EXOC4: variants seen among roughly 807,000 people sequenced by gnomAD.
The protein encoded by EXOC4 is SEC8-like 1.
EXOC4 carries 71 observed loss-of-function variants against 107.2 expected under a neutral mutation model. That is an observed-to-expected ratio of 0.66 (90% CI 0.55 to 0.81). EXOC4 has a LOEUF of 0.81. EXOC4 is among the 30% of genes least tolerant of loss of function. The pLI is 0.00. For synonymous variants in EXOC4, 456 were observed against 441.2 expected (o/e 1.03, Z -0.42); for missense variants, 1,108 against 1,189.6 (o/e 0.93, Z 1.01).
intron 9 of EXOC4, among the ~76,000 whole-genome samples, chr7:133,609,220 A>G (rs1802022209): frequency 6.6e-6 from 1 of 152,224 alleles, no homozygotes; most frequent in African/African-American, 2.4e-5. Context: ...GTAATAAAAA[A>G]GGAATAATTT....
intron 9 of EXOC4, among the ~76,000 whole-genome samples, chr7:133,568,056 A>C (rs1800942660): frequency 6.6e-6 from 1 of 152,234 alleles, no homozygotes; most frequent in African/African-American, 2.4e-5. Context: ...TTGTGTTAAC[A>C]AATTCTTGAC....
At chr7:133,421,186 G>T (rs1295310530) in intron 7 of EXOC4, among the ~76,000 whole-genome samples, 1 of 152,084 alleles carries the variant, frequency 6.6e-6, no homozygotes. Flanking sequence ...TTGGTAAAGT[G>T]TAAAGCATTA....
At chr7:133,354,069 G>A (rs747040432) in intron 5 of EXOC4, among the ~76,000 whole-genome samples, 1 of 151,672 alleles carries the variant, frequency 6.6e-6, no homozygotes, top group Non-Finnish European at 1.5e-5. Context: ...CTTTAAAACA[G>A]TTAAAACTTT....
chr7:133,381,932 G>C (rs1043678498), intron 7 of EXOC4, among the ~76,000 whole-genome samples: 7 of 152,122 alleles, frequency 4.6e-5, no homozygotes, highest in Non-Finnish European at 7.4e-5. Context: ...ATGCAGATTT[G>C]TATCCCCACC....
chr7:133,686,579 A>T (rs1169811304), intron 10 of EXOC4, among the ~76,000 whole-genome samples: 1 of 152,196 alleles, frequency 6.6e-6, no homozygotes, highest in African/African-American at 2.4e-5. Flanking sequence ...CAGTTCTCAA[A>T]AGAACATATA....
At chr7:134,035,877 G>A (rs964550645) in intron 17 of EXOC4, among the ~76,000 whole-genome samples, 1 of 152,110 alleles carries the variant, frequency 6.6e-6, no homozygotes, top group Admixed American at 6.5e-5. Flanking sequence ...TCATCAGCAG[G>A]GAAACATTTC....
At chr7:133,326,863 G>C (rs540470932) in intron 5 of EXOC4, among the ~76,000 whole-genome samples, 76 of 152,346 alleles carry the variant, frequency 5.0e-4, no homozygotes, top group Non-Finnish European at 8.2e-4. Context: ...CACCCAGTTC[G>C]AGCTTCCTGG....
chr7:133,651,754 G>A (rs570785146), intron 10 of EXOC4, among the ~76,000 whole-genome samples: 4 of 152,128 alleles, frequency 2.6e-5, no homozygotes, highest in Non-Finnish European at 4.4e-5. Context: ...GCATGATCTC[G>A]ACTCACTGCA....
intron 9 of EXOC4, among the ~76,000 whole-genome samples, chr7:133,580,330 C>A (rs1243935873): frequency 1.3e-5 from 2 of 151,900 alleles, no homozygotes; most frequent in African/African-American, 4.8e-5. Flanking sequence ...TTTTTGAGAC[C>A]CTGCTTTTAA....
intron 14 of EXOC4, among the ~76,000 whole-genome samples, chr7:133,989,857 G>A (rs369402630): frequency 6.6e-5 from 10 of 152,060 alleles, no homozygotes; most frequent in South Asian, 4.1e-4. Flanking sequence ...GGAGAACAGC[G>A]CGAATTTGGA....
At chr7:133,577,328 A>G (rs1801154746) in intron 9 of EXOC4, among the ~76,000 whole-genome samples, 2 of 152,162 alleles carry the variant, frequency 1.3e-5, no homozygotes, top group Non-Finnish European at 2.9e-5. Flanking sequence ...AAAAACTTTT[A>G]AAGTCTAAAA....
chr7:133,549,234 T>C (rs1373692652), intron 9 of EXOC4, among the ~76,000 whole-genome samples: 1 of 152,156 alleles, frequency 6.6e-6, no homozygotes, highest in African/African-American at 2.4e-5. Context: ...TCAAGTGATC[T>C]GCCCGCCTTG....
chr7:133,390,489 G>A (rs905375184), intron 7 of EXOC4, among the ~76,000 whole-genome samples: 2 of 152,172 alleles, frequency 1.3e-5, no homozygotes, highest in Non-Finnish European at 2.9e-5. Context: ...AGCCTGGGAG[G>A]AGTGAAGAAG....
At chr7:134,021,188 A>G (rs1388703769) in intron 17 of EXOC4, among the ~76,000 whole-genome samples, 1 of 152,208 alleles carries the variant, frequency 6.6e-6, no homozygotes, top group Non-Finnish European at 1.5e-5. Flanking sequence ...AATTCCATAA[A>G]GATACTGTAA....
the EXOC4 span, among the ~76,000 whole-genome samples, chr7:134,080,468 GT>G: frequency 6.6e-6 from 1 of 152,070 alleles, no homozygotes; most frequent in African/African-American, 2.4e-5. Flanking sequence ...CCACTAAGGA[GT>G]TTTAAGCAAG....
intron 10 of EXOC4, among the ~76,000 whole-genome samples, chr7:133,767,381 G>GT (rs1796160539): frequency 6.6e-6 from 1 of 151,742 alleles, no homozygotes; most frequent in Admixed American, 6.6e-5. Flanking sequence ...GTGAAATGAC[G>GT]TAACATATGT....
intron 9 of EXOC4, among the ~76,000 whole-genome samples, chr7:133,536,963 C>T (rs1344478660): frequency 6.6e-6 from 1 of 152,126 alleles, no homozygotes; most frequent in Non-Finnish European, 1.5e-5. Flanking sequence ...TATTACATGA[C>T]TATGTCTAGA....
rs1185248756 is a variant in EXOC4 at position 133,374,948 on chromosome 7, T to C, written c.1128T>C (p.Asp376=). 1 of 1,614,100 alleles carries C rather than the reference T, an allele frequency of 6.2e-7. No individual in the cohort carries two copies. The highest frequency in any genetic ancestry group is 8.5e-7 in the Non-Finnish European group (1 of 1,179,988). The part of the protein sequence containing the change: ...TVVTPLTQQE[D]IKLYDMADVW... ...TGACTCCACTGACTCAGCAGGAAGATATCAAACTGTATGATATGGCAGATG... is the reference window on the plus strand; with the variant it reads ...TGACTCCACTGACTCAGCAGGAAGACATCAAACTGTATGATATGGCAGATG... Residue 376 remains aspartate, a synonymous_variant, in exon 7 of 18, where the codon GAT becomes GAC. Coordinates refer to ENST00000253861, the MANE Select transcript of EXOC4 (RefSeq NM_021807.4).
intron 14 of EXOC4, among the ~76,000 whole-genome samples, chr7:133,975,164 TTAAAA>T (rs1288265005): frequency 2.0e-5 from 3 of 152,076 alleles, no homozygotes; most frequent in Non-Finnish European, 4.4e-5. Context: ...CAAATGAAGA[TTAAAA>T]TAAGTGAAGA....
Sources: allele counts gnomAD v4.1 joint callset (sites outside exome capture counted in the v4.1 genomes callset), GRCh38; gene constraint gnomAD v4.1.1; transcripts MANE v1.5; gene names NCBI Gene and HGNC (gene_info 2026-07-23, HGNC 2026-07-21).